Variants in AUTS2 observed in about 807,000 individuals in gnomAD.
The protein encoded by AUTS2 is autism susceptibility gene 2 protein.
A neutral mutation model predicts 112.4 loss-of-function variants in AUTS2; 17 were observed. That is an observed-to-expected ratio of 0.15 (90% CI 0.10 to 0.23). The LOEUF (loss-of-function observed/expected upper bound fraction) is 0.23. AUTS2 is among the 10% of genes least tolerant of loss of function. AUTS2 has a pLI of 1.00. For synonymous variants in AUTS2, 751 were observed against 702.7 expected, an observed-to-expected ratio of 1.07 and a Z score of -1.09; for missense variants, 1,510 against 1,701.6, an observed-to-expected ratio of 0.89 and a Z score of 1.98.
intron 1 of AUTS2, among the ~76,000 whole-genome samples, chr7:69,690,432 A>T (rs1271625889): frequency 1.3e-5 from 2 of 152,294 alleles, no homozygotes; most frequent in Middle Eastern, 3.4e-3. Context: ...TCAGCTGGGC[A>T]GGCTGTGCTC....
intron 5 of AUTS2, among the ~76,000 whole-genome samples, chr7:70,619,538 A>G (rs1330669394): frequency 6.6e-6 from 1 of 150,518 alleles, no homozygotes; most frequent in Non-Finnish European, 1.5e-5. Context: ...CCTCTCTCAA[A>G]TAATTAGAAG....
At chr7:69,905,013 T>C (rs1192094676) in intron 2 of AUTS2, among the ~76,000 whole-genome samples, 1 of 152,188 alleles carries the variant, frequency 6.6e-6, no homozygotes, top group Non-Finnish European at 1.5e-5. Flanking sequence ...TAACTGGGAT[T>C]GGTAAACCTG....
At chr7:69,684,300 G>A (rs1425554589) in intron 1 of AUTS2, among the ~76,000 whole-genome samples, 1 of 152,094 alleles carries the variant, frequency 6.6e-6, no homozygotes, top group Non-Finnish European at 1.5e-5. Context: ...CTTGGGACAG[G>A]GTCAAGGTTT....
At chr7:69,815,712 A>G (rs1315587371) in intron 1 of AUTS2, among the ~76,000 whole-genome samples, 1 of 152,116 alleles carries the variant, frequency 6.6e-6, no homozygotes, top group African/African-American at 2.4e-5. Context: ...ACAGGGTTTC[A>G]CCATGTTGGC....
intron 4 of AUTS2, among the ~76,000 whole-genome samples, chr7:70,152,487 A>T (rs1330331757): frequency 1.3e-5 from 2 of 152,080 alleles, no homozygotes; most frequent in Non-Finnish European, 2.9e-5. Flanking sequence ...AAGTACTAGA[A>T]GAAAAAATTG....
At chr7:70,707,240 A>T (rs890136815) in intron 6 of AUTS2, among the ~76,000 whole-genome samples, 3 of 152,254 alleles carry the variant, frequency 2.0e-5, no homozygotes, top group Non-Finnish European at 2.9e-5. Flanking sequence ...AGGCAGGGAA[A>T]CTGAAGTTAG....
At chr7:70,465,220 G>A (rs1392774193) in intron 5 of AUTS2, among the ~76,000 whole-genome samples, 1 of 152,156 alleles carries the variant, frequency 6.6e-6, no homozygotes, top group Non-Finnish European at 1.5e-5. Flanking sequence ...CAGAAAGCAG[G>A]TTGGAGGAAC....
intron 2 of AUTS2, among the ~76,000 whole-genome samples, chr7:69,980,317 G>C (rs1798244344): frequency 6.6e-6 from 1 of 152,130 alleles, no homozygotes; most frequent in Non-Finnish European, 1.5e-5. Flanking sequence ...AGAGTAAGTG[G>C]GAGGATCTCA....
chr7:69,898,186 C>T (rs993946478), intron 1 of AUTS2, among the ~76,000 whole-genome samples: 18 of 151,892 alleles, frequency 1.2e-4, no homozygotes, highest in South Asian at 6.2e-4. Flanking sequence ...ATATATATGC[C>T]GACTATGTAC....
At chr7:70,533,958 A>G (rs1021780937) in intron 5 of AUTS2, among the ~76,000 whole-genome samples, 2 of 152,340 alleles carry the variant, frequency 1.3e-5, no homozygotes, top group Admixed American at 6.5e-5. Context: ...TGCCTACACA[A>G]TGGTTGCCTT....
chr7:70,774,199 C>A, intron 12 of AUTS2, 100 bp downstream of exon 12: 1 of 1,087,210 alleles, frequency 9.2e-7, no homozygotes, highest in Non-Finnish European at 1.4e-6. Flanking sequence ...CTCCTTTGAG[C>A]GAGCTGCTGT....
At chr7:70,476,850 A>G (rs1288640723) in intron 5 of AUTS2, among the ~76,000 whole-genome samples, 1 of 152,180 alleles carries the variant, frequency 6.6e-6, no homozygotes, top group African/African-American at 2.4e-5. Flanking sequence ...GTGAACTGTG[A>G]TTGTGGTGAG....
At chr7:69,874,882 G>C (rs977984522) in intron 1 of AUTS2, among the ~76,000 whole-genome samples, 1 of 151,514 alleles carries the variant, frequency 6.6e-6, no homozygotes, top group Non-Finnish European at 1.5e-5. Flanking sequence ...TGTCGGCCAG[G>C]CTGGTCGCGA....
intron 1 of AUTS2, among the ~76,000 whole-genome samples, chr7:69,781,306 T>C (rs1789134355): frequency 6.6e-6 from 1 of 152,260 alleles, no homozygotes; most frequent in African/African-American, 2.4e-5. Context: ...TGAAAACAAA[T>C]TCCTTCTATT....
intron 1 of AUTS2, among the ~76,000 whole-genome samples, chr7:69,848,172 A>G (rs769593260): frequency 2.0e-5 from 3 of 152,104 alleles, no homozygotes; most frequent in African/African-American, 7.2e-5. Flanking sequence ...CTTCCTTAAC[A>G]TGATTGGATT....
intron 5 of AUTS2, among the ~76,000 whole-genome samples, chr7:70,641,075 C>T (rs2866719): frequency 0.35 from 52,732 of 152,066 alleles, 9,461 homozygotes; most frequent in South Asian, 0.52. Context: ...CTAGTCCACC[C>T]GGCTCCAGCC....
chr7:70,623,207 GT>G (rs1804766352), intron 5 of AUTS2, among the ~76,000 whole-genome samples: 1 of 152,214 alleles, frequency 6.6e-6, no homozygotes, highest in Non-Finnish European at 1.5e-5. Flanking sequence ...TCTACAAAAT[GT>G]ACTTGGTCAA....
chr7:69,796,968 C>G (rs1002018122), intron 1 of AUTS2, among the ~76,000 whole-genome samples: 10 of 152,180 alleles, frequency 6.6e-5, no homozygotes, highest in African/African-American at 2.2e-4. Context: ...TTTGAATTAA[C>G]TAGGCTCCAT....
At chr7:70,098,788 C>T (rs1168890109) in intron 2 of AUTS2, among the ~76,000 whole-genome samples, 3 of 151,730 alleles carry the variant, frequency 2.0e-5, no homozygotes, top group South Asian at 4.2e-4. Context: ...CTGCAACCTC[C>T]GCCTCTTGGG....
Sources: allele counts gnomAD v4.1 joint callset (sites outside exome capture counted in the v4.1 genomes callset), GRCh38; gene constraint gnomAD v4.1.1; transcripts MANE v1.5; gene names NCBI Gene and HGNC (gene_info 2026-07-23, HGNC 2026-07-21).